Variants in CNTNAP4 observed in about 807,000 individuals in gnomAD.
CNTNAP4 encodes contactin associated protein family member 4.
Under a neutral mutation model 148.4 loss-of-function variants are expected in CNTNAP4, and 98 were observed. The observed-to-expected ratio is 0.66, with a 90% CI of 0.56 to 0.78. The LOEUF (loss-of-function observed/expected upper bound fraction) is 0.78, where lower values mean the gene tolerates loss of function less well. CNTNAP4 is among the 30% of genes least tolerant of loss of function. CNTNAP4 has a pLI of 0.00. For missense variants in CNTNAP4, 1,935 were observed against 1,565.6 expected, an observed-to-expected ratio of 1.24 and a Z score of -3.98; for synonymous variants, 730 against 565.1, an observed-to-expected ratio of 1.29 and a Z score of -4.14.
chr16:76,448,779 T>G lies in CNTNAP4; in HGVS notation c.755T>G (p.Leu252Arg). 6.2e-7 allele frequency: 1 copy of G among 1,607,040 alleles called. No individual in the cohort carries two copies. The highest frequency in any genetic ancestry group is 1.1e-5 in the South Asian group (1 of 89,524). The change falls in exon 6 of 24, where the codon CTG (leucine) becomes CGG (arginine). Residue 252 changes from leucine (L) to arginine (R), a missense_variant. Physicochemically the swap from Leu to Arg is moderately radical, Grantham distance 102. Transcript: ENST00000611870. The part of the protein sequence containing the change: ...FLLINSGEAK[L>R]PSTSTLVNLT... ...CTCCTCTTCTAAGGTGAAGCTAAAC[T>G]GCCTTCCACTTCCACCCTGGTCAAT...
At chr16:76,552,809 G>A (rs1393842086) in intron 21 of CNTNAP4, among the ~76,000 whole-genome samples, 1 of 152,076 alleles carries the variant, frequency 6.6e-6, no homozygotes, top group Non-Finnish European at 1.5e-5. Flanking sequence ...ACAAATTGTC[G>A]GGTTGGGCAT....
At chr16:76,478,128 A>G (rs2081658641) in intron 11 of CNTNAP4, among the ~76,000 whole-genome samples, 1 of 128,692 alleles carries the variant, frequency 7.8e-6, no homozygotes, top group South Asian at 2.4e-4. Context: ...GTCAAGCCAT[A>G]CACATAAATC....
intron 1 of CNTNAP4, 23 bp from the exon 2 acceptor site, chr16:76,316,390 C>T (rs781464979): frequency 1.5e-5 from 23 of 1,535,372 alleles, no homozygotes; most frequent in African/African-American, 4.1e-5. Context: ...CTAACCCTAA[C>T]GTGGCATTGT....
At chr16:76,425,204 A>G (rs1158781788) in intron 3 of CNTNAP4, among the ~76,000 whole-genome samples, 1 of 152,190 alleles carries the variant, frequency 6.6e-6, no homozygotes, top group East Asian at 1.9e-4. Context: ...CAGCAGCAAC[A>G]ATAGCAAAAA....
chr16:76,339,413 C>T lies in CNTNAP4; in HGVS notation c.197-15905C>T, dbSNP rs866883029. Among the ~76,000 whole-genome samples, 4 of 151,948 alleles carry T rather than the reference C, an allele frequency of 2.6e-5. No homozygotes were observed. In the South Asian group the frequency reaches 8.3e-4, roughly 32 times the overall value. On this transcript the variant is annotated intron_variant, in intron 2 of 23. Transcript: ENST00000611870. ...CTTTAAACACTTAATCTAAACACCACATTAATTTAAATTTTAAGATATTTA... is the reference window on the plus strand; with the variant it reads ...CTTTAAACACTTAATCTAAACACCATATTAATTTAAATTTTAAGATATTTA...
At chr16:76,485,096 C>A (rs182673608) in intron 12 of CNTNAP4, among the ~76,000 whole-genome samples, 1 of 151,896 alleles carries the variant, frequency 6.6e-6, no homozygotes, top group Non-Finnish European at 1.5e-5. Flanking sequence ...AGGGGCTGTC[C>A]GTATTGCTTT....
At chr16:76,511,121 CTCTA>C (rs777668973) in intron 15 of CNTNAP4, among the ~76,000 whole-genome samples, 5 of 152,164 alleles carry the variant, frequency 3.3e-5, no homozygotes, top group Non-Finnish European at 5.9e-5. Flanking sequence ...CTCTCAGTCT[CTCTA>C]TCTGAGCAAG....
intron 2 of CNTNAP4, among the ~76,000 whole-genome samples, chr16:76,322,177 C>T (rs546538691): frequency 2.0e-5 from 3 of 152,306 alleles, no homozygotes; most frequent in South Asian, 2.1e-4. Flanking sequence ...TTGCAAGAGT[C>T]CCCTGCCTTC....
rs148824979 is a variant in CNTNAP4, at chr16:76,402,845, G to A, written c.391-24607G>A. On this transcript the variant is annotated intron_variant, in intron 3 of 23. Coordinates refer to ENST00000611870, the MANE Select transcript of CNTNAP4 (RefSeq NM_033401.5). Reference sequence around the variant, plus strand: ...AATGGTGTTTAATTTCCATGTAATTGCATGGTTTTGAGCGATTTTTGTCAG... The same window carrying A: ...AATGGTGTTTAATTTCCATGTAATTACATGGTTTTGAGCGATTTTTGTCAG... 2.6e-5 allele frequency among the ~76,000 whole-genome samples: 4 copies of A among 151,942 alleles called. No individual in the cohort carries two copies. In the East Asian group the frequency reaches 7.7e-4, roughly 29 times the overall value.
chr16:76,494,863 T>A, intron 13 of CNTNAP4, 47 bp from the exon 14 acceptor site: 1 of 1,566,168 alleles, frequency 6.4e-7, no homozygotes, highest in Non-Finnish European at 8.8e-7. Context: ...GGAGAGAAGG[T>A]GGTGGAACAT....
chr16:76,406,032 A>G (rs2078588888), intron 3 of CNTNAP4, among the ~76,000 whole-genome samples: 1 of 152,052 alleles, frequency 6.6e-6, no homozygotes, highest in African/African-American at 2.4e-5. Flanking sequence ...CCTGAGCAAC[A>G]TGGTGAAACT....
chr16:76,489,458 A>G (rs2082133912), intron 12 of CNTNAP4, among the ~76,000 whole-genome samples: 1 of 152,208 alleles, frequency 6.6e-6, no homozygotes, highest in Admixed American at 6.5e-5. Flanking sequence ...AATGTTAAAT[A>G]AAATTACTGT....
intron 4 of CNTNAP4, among the ~76,000 whole-genome samples, chr16:76,445,490 C>T (rs146493420): frequency 1.3e-3 from 199 of 152,078 alleles, no homozygotes; most frequent in African/African-American, 4.6e-3. Context: ...TGTCGTGTAC[C>T]TGTGAAGCAA....
intron 20 of CNTNAP4, among the ~76,000 whole-genome samples, chr16:76,540,476 A>G (rs1306752889): frequency 6.6e-6 from 1 of 151,816 alleles, no homozygotes; most frequent in East Asian, 1.9e-4. Context: ...ATCTGAGGGT[A>G]GTATAGAAAT....
At chr16:76,481,935 C>T (rs1169388240) in intron 12 of CNTNAP4, among the ~76,000 whole-genome samples, 2 of 151,712 alleles carry the variant, frequency 1.3e-5, no homozygotes, top group African/African-American at 4.8e-5. Context: ...GTATGGGCTT[C>T]ATGACAATGT....
intron 7 of CNTNAP4, among the ~76,000 whole-genome samples, chr16:76,451,107 G>C (rs1161303639): frequency 6.6e-6 from 1 of 152,196 alleles, no homozygotes; most frequent in Non-Finnish European, 1.5e-5. Context: ...TGGGCCAGCT[G>C]TCAGGAAGAA....
rs760822864 is a variant in CNTNAP4 at position 76,558,966 on chromosome 16, C to T, written c.*283C>T. 39 of 221,584 alleles carry T rather than the reference C, an allele frequency of 1.8e-4. No homozygotes were observed. The highest frequency in any genetic ancestry group is 2.6e-4 in the Non-Finnish European group (30 of 114,246). The allele number at this position is 221,584 out of a possible 1,614,324, so 13.7% of individuals were successfully genotyped here. On this transcript the variant is annotated 3_prime_UTR_variant, in exon 24 of 24. Coordinates refer to ENST00000611870, the MANE Select transcript of CNTNAP4 (RefSeq NM_033401.5). ...ACCTGCTTAATGGCTACAGTTTTTA[C>T]ATGTGAAAACTGTAGCCTTGGTCTC... is the stretch of plus-strand genomic sequence containing the variant.
intron 11 of CNTNAP4, 62 bp from the exon 12 acceptor site, chr16:76,479,357 A>G: frequency 7.0e-7 from 1 of 1,430,868 alleles, no homozygotes; most frequent in Non-Finnish European, 9.4e-7. Flanking sequence ...TTTCATGTCC[A>G]AATTAAAAGT....
At chr16:76,434,236 T>C (rs4354968) in intron 4 of CNTNAP4, among the ~76,000 whole-genome samples, 3 of 151,612 alleles carry the variant, frequency 2.0e-5, no homozygotes, top group African/African-American at 7.3e-5. Context: ...CGTTAAGTAG[T>C]TATTAAGGTC....
Sources: gnomAD v4.1 joint callset for allele counts (sites outside exome capture counted in the v4.1 genomes callset) on GRCh38, gnomAD v4.1.1 for gene constraint, MANE v1.5 for transcripts, NCBI Gene and HGNC (gene_info 2026-07-23, HGNC 2026-07-21) for gene names.